The following STK32B variants were observed in gnomAD, a reference collection of about 807,000 sequenced individuals.
The protein encoded by STK32B is serine/threonine kinase 32B.
STK32B carries 43 observed loss-of-function variants against 52.6 expected under a neutral mutation model. The observed-to-expected ratio is 0.82, with a 90% CI of 0.64 to 1.05. The LOEUF (loss-of-function observed/expected upper bound fraction) is 1.05, where lower values mean the gene tolerates loss of function less well. Among genes scored for constraint, STK32B ranks in the 50% least tolerant of loss-of-function variants. The probability of loss-of-function intolerance (pLI) is 0.00; values close to 1 mark genes in which losing one functional copy is unlikely to be tolerated. For synonymous variants in STK32B, 238 were observed against 204.3 expected (o/e 1.17, Z -1.41); for missense variants, 621 against 534.6 (o/e 1.16, Z -1.59).
At chr4:5,265,844 A>G (rs1262904459) in intron 3 of STK32B, among the ~76,000 whole-genome samples, 2 of 152,098 alleles carry the variant, frequency 1.3e-5, no homozygotes, top group Admixed American at 1.3e-4. Context: ...TTGTCATAGC[A>G]TTGTGTTGAT....
At chr4:5,081,193 A>G (rs1712403452) in intron 1 of STK32B, among the ~76,000 whole-genome samples, 1 of 152,194 alleles carries the variant, frequency 6.6e-6, no homozygotes, top group Non-Finnish European at 1.5e-5. Context: ...TAATATATAT[A>G]TACATACCAA....
chr4:5,237,195 T>C lies in STK32B; in HGVS notation c.260+68745T>C, dbSNP rs1261427907. ...TGAAAAGGTTGGCTAGGCTGGGTCATGCACCCATCCCTGAGCCACTCCCTG... is the reference window on the plus strand; with the variant it reads ...TGAAAAGGTTGGCTAGGCTGGGTCACGCACCCATCCCTGAGCCACTCCCTG... On this transcript the variant is annotated intron_variant, in intron 3 of 11. Transcript: ENST00000282908. Among the ~76,000 whole-genome samples the C allele has an allele frequency of 2.0e-5, 3 of 152,294 alleles. No homozygotes were observed. In the East Asian group the frequency reaches 5.8e-4, roughly 29 times the overall value.
chr4:5,461,599 G>A (rs114411981), intron 9 of STK32B, among the ~76,000 whole-genome samples: 3,858 of 152,216 alleles, frequency 0.025, 180 homozygotes, highest in African/African-American at 0.086. Flanking sequence ...ATCTGTTCCC[G>A]TCCTCTCCCT....
chr4:5,311,522 A>G (rs928827710), intron 3 of STK32B, among the ~76,000 whole-genome samples: 1 of 152,178 alleles, frequency 6.6e-6, no homozygotes, highest in Non-Finnish European at 1.5e-5. Flanking sequence ...TATTTAAGAA[A>G]GTTGATCAAG....
At chr4:5,388,091 C>T (rs1224735893) in intron 4 of STK32B, among the ~76,000 whole-genome samples, 1 of 152,172 alleles carries the variant, frequency 6.6e-6, no homozygotes. Context: ...CGCTTCACCT[C>T]TCCAGGCTGC....
At chr4:5,236,478 A>G (rs1410429315) in intron 3 of STK32B, among the ~76,000 whole-genome samples, 5 of 152,324 alleles carry the variant, frequency 3.3e-5, no homozygotes, top group Admixed American at 2.6e-4. Context: ...GCACCCTGAG[A>G]AACCCAGGCT....
intron 3 of STK32B, among the ~76,000 whole-genome samples, chr4:5,323,712 G>C (rs1004110586): frequency 6.6e-6 from 1 of 152,158 alleles, no homozygotes; most frequent in African/African-American, 2.4e-5. Context: ...GGCGTTTGTG[G>C]CTTTTTCATT....
intron 6 of STK32B, among the ~76,000 whole-genome samples, chr4:5,444,088 A>C (rs1160590335): frequency 3.9e-5 from 6 of 152,324 alleles, no homozygotes; most frequent in East Asian, 1.9e-4. Context: ...GGTGGAGCCT[A>C]CAGAGGCAGG....
At chr4:5,479,107 GTTTGTT>G (rs1344695044) in intron 11 of STK32B, among the ~76,000 whole-genome samples, 11 of 141,116 alleles carry the variant, frequency 7.8e-5, no homozygotes, top group Non-Finnish European at 1.4e-4. Context: ...GTTTTTGTTT[GTTTGTT>G]TTTGTTTTTG....
chr4:5,288,408 A>G (rs913882914), intron 3 of STK32B, among the ~76,000 whole-genome samples: 3 of 152,076 alleles, frequency 2.0e-5, no homozygotes, highest in Non-Finnish European at 4.4e-5. Flanking sequence ...GTTATTGTCC[A>G]TCTTTTTCAT....
intron 1 of STK32B, among the ~76,000 whole-genome samples, chr4:5,134,792 T>A (rs1470606628): frequency 6.6e-6 from 1 of 152,234 alleles, no homozygotes; most frequent in Admixed American, 6.5e-5. Flanking sequence ...TGCTTACTTT[T>A]CTTGCTTGAT....
At chr4:5,081,448 T>A (rs568418337) in intron 1 of STK32B, among the ~76,000 whole-genome samples, 109 of 152,190 alleles carry the variant, frequency 7.2e-4, no homozygotes, top group Non-Finnish European at 1.2e-3. Flanking sequence ...TTTCTTTAAA[T>A]GAGATTTCTG....
At chr4:5,496,152 TTTTG>T (rs1308373742) in intron 11 of STK32B, among the ~76,000 whole-genome samples, 2 of 152,272 alleles carry the variant, frequency 1.3e-5, no homozygotes, top group African/African-American at 4.8e-5. Context: ...ACTGCTGTCT[TTTTG>T]TTTGTCTGTG....
chr4:5,161,866 C>T (rs990348237), intron 2 of STK32B, among the ~76,000 whole-genome samples: 13 of 151,994 alleles, frequency 8.6e-5, no homozygotes, highest in African/African-American at 2.9e-4. Flanking sequence ...CGGTCATTTC[C>T]CAGAATCTTG....
intron 3 of STK32B, among the ~76,000 whole-genome samples, chr4:5,290,321 G>A (rs534908443): frequency 2.7e-5 from 4 of 150,938 alleles, no homozygotes; most frequent in East Asian, 3.9e-4. Context: ...ATAACACAAC[G>A]TAAAACACAA....
chr4:5,032,539 C>A, the STK32B span, among the ~76,000 whole-genome samples: 14 of 148,522 alleles, frequency 9.4e-5, no homozygotes, highest in Middle Eastern at 3.7e-3. Flanking sequence ...CCCTAAACTG[C>A]ATTTTCCATC....
At chr4:5,287,524 C>G (rs1376559353) in intron 3 of STK32B, among the ~76,000 whole-genome samples, 2 of 152,038 alleles carry the variant, frequency 1.3e-5, no homozygotes, top group African/African-American at 2.4e-5. Flanking sequence ...ATATGCTTCA[C>G]AATTTAAAAG....
intron 3 of STK32B, among the ~76,000 whole-genome samples, chr4:5,222,260 A>G (rs965797718): frequency 6.6e-6 from 1 of 152,208 alleles, no homozygotes; most frequent in Non-Finnish European, 1.5e-5. Context: ...GGGTGTTACT[A>G]TGCCAAATAC....
In STK32B at chr4:5,452,514, C is replaced by T. The variant is rs531186658; in HGVS notation, c.667-4293C>T. On this transcript the variant is annotated intron_variant, in intron 7 of 11. Coordinates refer to ENST00000282908, the MANE Select transcript of STK32B (RefSeq NM_018401.3). ...AATTGTTCAGTGTTTTCAAGCTGTG[C>T]TTCTCAGACTCTAGGACCCTGCAGA... Among the ~76,000 whole-genome samples the T allele has an allele frequency of 3.9e-5, 6 of 152,288 alleles. No homozygotes were observed. The South Asian group carries it at 1.2e-3, about 32-fold the overall frequency.
Sources: allele counts gnomAD v4.1 joint callset (sites outside exome capture counted in the v4.1 genomes callset), GRCh38; gene constraint gnomAD v4.1.1; transcripts MANE v1.5; gene names NCBI Gene and HGNC (gene_info 2026-07-23, HGNC 2026-07-21).